Variants in SLC45A4 observed in about 807,000 individuals in gnomAD.
The protein encoded by SLC45A4 is solute carrier family 45 member 4, also known as polyamine-transporter SLC45A4.
In SLC45A4, 32 loss-of-function variants were observed where a neutral mutation model predicts 63.7. The observed-to-expected ratio is 0.50, with a 90% CI of 0.38 to 0.67. The LOEUF (loss-of-function observed/expected upper bound fraction) is 0.67, where lower values mean the gene tolerates loss of function less well. SLC45A4 is among the 30% of genes least tolerant of loss of function. SLC45A4 has a pLI of 0.00. For missense variants in SLC45A4, 1,027 were observed against 1,157.7 expected (o/e 0.89, Z 1.64); for synonymous variants, 535 against 510.0 (o/e 1.05, Z -0.66).
intron 1 of SLC45A4, among the ~76,000 whole-genome samples, chr8:141,263,769 CAAA>C: frequency 1.1e-5 from 1 of 89,130 alleles, no homozygotes; most frequent in Non-Finnish European, 2.3e-5. Flanking sequence ...GACTCCGTCT[CAAA>C]AAAAAAAAAA....
At chr8:141,258,140 C>G (rs62524174) in intron 1 of SLC45A4, among the ~76,000 whole-genome samples, 352 of 151,080 alleles carry the variant, frequency 2.3e-3, no homozygotes, top group Non-Finnish European at 3.5e-3. Context: ...CTTGTAAATC[C>G]CAGCTCTGCG....
Position 141,254,857 on chromosome 8 carries a change from G to A in SLC45A4, c.-400-228C>T. On this transcript the variant is annotated intron_variant, in intron 1 of 8. Transcript: ENST00000517878. This position sits in a 1 kb window ranked among gnomAD's most constrained non-coding sequence, Gnocchi z 4.5. ...AATCCTGGGGAAGGACAAAGGTGGG[G>A]CAATCAAGGAAAGCAGGATCAAAGA... is the stretch of plus-strand genomic sequence containing the variant. 2.3e-6 allele frequency: 1 copy of A among 438,012 alleles called. No homozygotes were observed. Among genetic ancestry groups the A allele is most frequent in the Non-Finnish European group, 4.4e-6 (1 of 228,152 alleles). The allele number at this position is 438,012 out of a possible 1,614,324, so 27.1% of individuals were successfully genotyped here. A position where few individuals can be genotyped will look rare whatever the true frequency, so the allele number is the denominator to read the frequency against.
At chr8:141,245,009 G>T (rs925702399) in intron 2 of SLC45A4, among the ~76,000 whole-genome samples, 23 of 144,932 alleles carry the variant, frequency 1.6e-4, no homozygotes, top group African/African-American at 2.3e-4. Context: ...GGGGTGCAAT[G>T]AATGAGGTGC....
chr8:141,275,748 T>C (rs1010372356), intron 1 of SLC45A4, among the ~76,000 whole-genome samples: 1 of 152,134 alleles, frequency 6.6e-6, no homozygotes, highest in Non-Finnish European at 1.5e-5. Context: ...TCATGATGAA[T>C]GACAATTTGT....
intron 2 of SLC45A4, among the ~76,000 whole-genome samples, chr8:141,234,853 G>C (rs978477528): frequency 6.6e-6 from 1 of 152,150 alleles, no homozygotes; most frequent in Non-Finnish European, 1.5e-5. Context: ...AGCAGGACTC[G>C]ACCTCCTGGG....
chr8:141,238,201 G>A (rs553057340), intron 2 of SLC45A4, among the ~76,000 whole-genome samples: 2 of 152,326 alleles, frequency 1.3e-5, no homozygotes, highest in African/African-American at 4.8e-5. Context: ...GTGGGCAGTC[G>A]CAGCTCCAAG....
chr8:141,252,624 T>C (rs1486311427), intron 2 of SLC45A4: 1 of 133,016 alleles, frequency 7.5e-6, no homozygotes, highest in East Asian at 2.1e-4. Context: ...CATCTGTGAA[T>C]TTCCGTGTTT....
intron 2 of SLC45A4, among the ~76,000 whole-genome samples, chr8:141,252,760 A>T (rs1160735641): frequency 5.7e-5 from 5 of 88,114 alleles, no homozygotes; most frequent in Admixed American, 1.4e-4. Context: ...TGCGTCTGTG[A>T]ATTTCCGTTT....
chr8:141,258,082 T>TA (rs1203590351), intron 1 of SLC45A4, among the ~76,000 whole-genome samples: 3,180 of 114,462 alleles, frequency 0.028, 55 homozygotes, highest in Middle Eastern at 0.11. Context: ...TTTTTTTTTT[T>TA]AACAATCCTT....
intron 2 of SLC45A4, chr8:141,224,796 G>A (rs895111527): frequency 2.0e-5 from 3 of 152,296 alleles, no homozygotes; most frequent in Non-Finnish European, 2.9e-5. Context: ...TTCTTCTGGG[G>A]TTCCCATGAC....
chr8:141,230,308 C>A (rs558033998), intron 2 of SLC45A4: 2 of 357,154 alleles, frequency 5.6e-6, no homozygotes, highest in Non-Finnish European at 1.1e-5. Context: ...AAGGGAGGGC[C>A]GCTCCTGAAG....
In SLC45A4 at chr8:141,215,677, G is replaced by A. The variant is rs1175463011; in HGVS notation, c.1941+82C>T. 1.1e-5 allele frequency: 16 copies of A among 1,426,356 alleles called. No homozygotes were observed. The highest frequency in any genetic ancestry group is 1.5e-5 in the Non-Finnish European group (15 of 1,027,224). 88.4% of individuals were successfully genotyped at this position (1,426,356 alleles called of 1,614,324 possible). Reference sequence around the variant, plus strand: ...CATCTGTGTCGTGAACGTCCCCCCGGGGAAGCACAGGGCTCTGCTCTGTAT... The same window carrying A: ...CATCTGTGTCGTGAACGTCCCCCCGAGGAAGCACAGGGCTCTGCTCTGTAT... On this transcript the variant is annotated intron_variant, in intron 7 of 8. Transcript: ENST00000517878. This position sits in a 1 kb window ranked among gnomAD's most constrained non-coding sequence, Gnocchi z 4.3.
At chr8:141,275,759 T>G (rs1829705589) in intron 1 of SLC45A4, among the ~76,000 whole-genome samples, 1 of 152,194 alleles carries the variant, frequency 6.6e-6, no homozygotes, top group South Asian at 2.1e-4. Flanking sequence ...GACAATTTGT[T>G]GACATGCAAA....
At chr8:141,275,492 G>T (rs764321879) in intron 1 of SLC45A4, among the ~76,000 whole-genome samples, 1 of 152,020 alleles carries the variant, frequency 6.6e-6, no homozygotes, top group Non-Finnish European at 1.5e-5. Context: ...CAGCTATTCG[G>T]TAGGCTGAAG....
chr8:141,294,570 C>G (rs1830473401), intron 1 of SLC45A4, among the ~76,000 whole-genome samples: 1 of 152,244 alleles, frequency 6.6e-6, no homozygotes, highest in Admixed American at 6.5e-5. Flanking sequence ...GGTCCCCTCA[C>G]AGCCAGTTCC....
intron 1 of SLC45A4, among the ~76,000 whole-genome samples, chr8:141,263,812 GAGAA>G (rs1340567175): frequency 1.3e-5 from 2 of 151,468 alleles, no homozygotes; most frequent in East Asian, 1.9e-4. Context: ...CAAAAAGAGA[GAGAA>G]AGAAAGAAAA....
At chr8:141,233,694 AAATAAAT>A (rs1169185525) in intron 2 of SLC45A4, among the ~76,000 whole-genome samples, 2 of 146,594 alleles carry the variant, frequency 1.4e-5, no homozygotes, top group African/African-American at 5.2e-5. Flanking sequence ...CACAATAAAC[AAATAAAT>A]AATAAAATGA....
chr8:141,306,927 C>T (rs1589873502), intron 1 of SLC45A4, among the ~76,000 whole-genome samples: 1 of 152,302 alleles, frequency 6.6e-6, no homozygotes, highest in East Asian at 1.9e-4. Flanking sequence ...AAAGACAGCC[C>T]CCAAAACAGT....
intron 2 of SLC45A4, chr8:141,228,131 T>G (rs765435513): frequency 6.2e-6 from 10 of 1,611,928 alleles, no homozygotes; most frequent in Non-Finnish European, 7.6e-6. Flanking sequence ...AAGCTTTAGA[T>G]GGAGTGATCT....
Sources: allele counts gnomAD v4.1 joint callset (sites outside exome capture counted in the v4.1 genomes callset), GRCh38; gene constraint gnomAD v4.1.1; non-coding constraint Gnocchi (gnomAD v3.1); transcripts MANE v1.5; gene names NCBI Gene and HGNC (gene_info 2026-07-23, HGNC 2026-07-21).